LRRCC1: variants seen among roughly 807,000 people sequenced by gnomAD.
LRRCC1 encodes leucine-rich repeat and coiled-coil domain-containing protein 1.
LRRCC1 carries 115 observed loss-of-function variants against 126.0 expected under a neutral mutation model. The observed-to-expected ratio is 0.91, with a 90% CI of 0.78 to 1.07. LRRCC1 has a LOEUF of 1.07. LRRCC1 is among the 50% of genes least tolerant of loss of function. The pLI, the probability that LRRCC1 is intolerant of heterozygous loss-of-function variation, is 0.00. For synonymous variants in LRRCC1, 400 were observed against 393.4 expected, an observed-to-expected ratio of 1.02 and a Z score of -0.20; for missense variants, 1,172 against 1,175.7, an observed-to-expected ratio of 1.00 and a Z score of 0.05.
chr8:85,123,667 T>A, intron 7 of LRRCC1, 61 bp downstream of exon 7: 1 of 1,219,672 alleles, frequency 8.2e-7, no homozygotes, highest in Admixed American at 2.6e-5. Flanking sequence ...GGCTTCTCTC[T>A]TGAAGCTATC....
Position 85,131,790 on chromosome 8 carries a change from T to C in LRRCC1, c.1797T>C (p.Thr599=). The part of the protein sequence containing the change: ...RKELETREFF[T]DADFQDALAK... ...AACTTGAAACAAGGGAGTTTTTTAC[T>C]GATGCTGACTTCCAGGATGCCTTAG... Residue 599 remains threonine (T), a synonymous_variant, in exon 12 of 19, where the codon ACT becomes ACC. Transcript: ENST00000360375. The C allele has an allele frequency of 6.2e-7, 1 of 1,613,444 alleles. No homozygotes were observed. Among genetic ancestry groups the C allele is most frequent in the Non-Finnish European group, 8.5e-7 (1 of 1,179,768 alleles).
intron 8 of LRRCC1, 98 bp downstream of exon 8, chr8:85,125,037 A>C (rs1474094670): frequency 2.5e-6 from 2 of 813,464 alleles, no homozygotes; most frequent in African/African-American, 3.6e-5. Context: ...AAGTGTTTGA[A>C]TTTTATTGGA....
chr8:85,140,767 A>T (rs1216791555), intron 17 of LRRCC1, among the ~76,000 whole-genome samples: 1 of 152,224 alleles, frequency 6.6e-6, no homozygotes, highest in African/African-American at 2.4e-5. Flanking sequence ...GAAGGTGCTT[A>T]TAAACTATAC....
At chr8:85,110,259 T>G in intron 3 of LRRCC1, 79 bp downstream of exon 3, 1 of 572,524 alleles carries the variant, frequency 1.7e-6, no homozygotes, top group South Asian at 3.5e-5. Flanking sequence ...CTAAACATGT[T>G]GGAAATCTCT....
chr8:85,120,142 G>T lies in LRRCC1; in HGVS notation c.931-3271G>T, dbSNP rs1490495093. Reference sequence around the variant, plus strand: ...TAAATTTATTGAGTTTTTTTTTATAGCCTGGCATATGGTTTTTCTAGGTGG... The same window carrying T: ...TAAATTTATTGAGTTTTTTTTTATATCCTGGCATATGGTTTTTCTAGGTGG... On this transcript the variant is annotated intron_variant, in intron 6 of 18. Coordinates refer to ENST00000360375, the MANE Select transcript of LRRCC1 (RefSeq NM_033402.5). Among the ~76,000 whole-genome samples the T allele has an allele frequency of 2.0e-5, 3 of 151,294 alleles. No individual in the cohort carries two copies. The East Asian group carries it at 5.8e-4, about 29-fold the overall frequency.
At position 85,126,783 on chromosome 8, in the gene LRRCC1, A is replaced by C; in HGVS notation, c.1367A>C (p.Lys456Thr). The C allele has an allele frequency of 6.2e-7, 1 of 1,612,610 alleles. No homozygotes were observed. ...KLMDYIDELH[K>T]HANEKEDIHS... is the part of the protein sequence containing the mutation. ...ATGGATTATATTGATGAGCTGCATA[A>C]ACATGCAAATGAAAAAGAGGATATT... The change falls in exon 9 of 19, where the codon AAA becomes ACA. Residue 456 changes from lysine to threonine, a missense_variant. Coordinates refer to ENST00000360375, the MANE Select transcript of LRRCC1 (RefSeq NM_033402.5).
At chr8:85,119,846 C>G (rs907510575) in intron 6 of LRRCC1, among the ~76,000 whole-genome samples, 3 of 152,134 alleles carry the variant, frequency 2.0e-5, no homozygotes, top group Non-Finnish European at 4.4e-5. Context: ...GACATATCTC[C>G]TAATGTAACC....
chr8:85,145,361 A>T (rs754990005), intron 18 of LRRCC1, 28 bp from the exon 19 acceptor site: 2 of 1,407,820 alleles, frequency 1.4e-6, no homozygotes, highest in Admixed American at 2.9e-5. Context: ...TTAAGAAATT[A>T]AAATGTAAAA....
intron 6 of LRRCC1, among the ~76,000 whole-genome samples, chr8:85,122,220 A>C (rs1809615258): frequency 6.6e-6 from 1 of 152,150 alleles, no homozygotes. Flanking sequence ...GTTTGACTGC[A>C]TTGTGCCTAA....
chr8:85,121,589 G>A (rs887799131), intron 6 of LRRCC1, among the ~76,000 whole-genome samples: 1 of 152,068 alleles, frequency 6.6e-6, no homozygotes, highest in Non-Finnish European at 1.5e-5. Context: ...TTATAAGCAT[G>A]TGCCACCACG....
chr8:85,113,977 A>G (rs1215496136), intron 4 of LRRCC1, among the ~76,000 whole-genome samples: 5 of 152,238 alleles, frequency 3.3e-5, no homozygotes, highest in Non-Finnish European at 7.4e-5. Context: ...GCTTCATTTT[A>G]TTATTCATAT....
At chr8:85,125,565 T>C (rs987679453) in intron 8 of LRRCC1, among the ~76,000 whole-genome samples, 17 of 142,938 alleles carry the variant, frequency 1.2e-4, no homozygotes, top group African/African-American at 3.9e-4. Context: ...CCCAGCTACT[T>C]GGGAGGCTGA....
chr8:85,126,357 G>A (rs1171802292), intron 8 of LRRCC1, among the ~76,000 whole-genome samples: 1 of 152,028 alleles, frequency 6.6e-6, no homozygotes, highest in East Asian at 1.9e-4. Flanking sequence ...AGGAGTTCGA[G>A]ACCAGCCTGG....
In LRRCC1 at chr8:85,115,373, A is replaced by G; in HGVS notation, c.721-2A>G. ...GGATTTTGGTTTGTTTCTGTGTCAT[A>G]GATCATTGATAGAATGCCAGTGATA... On this transcript the variant is annotated splice_acceptor_variant, in intron 5 of 18. Transcript: ENST00000360375. LOFTEE classifies it high-confidence loss of function. 6.2e-7 allele frequency: 1 copy of G among 1,611,170 alleles called. No individual in the cohort carries two copies. The highest frequency in any genetic ancestry group is 1.7e-5 in the Admixed American group (1 of 59,934).
chr8:85,142,227 AG>A (rs1811302742), intron 18 of LRRCC1, among the ~76,000 whole-genome samples: 2 of 152,082 alleles, frequency 1.3e-5, no homozygotes, highest in Non-Finnish European at 2.9e-5. Context: ...CCGGAGGTGG[AG>A]GTTGCAGTGA....
chr8:85,117,831 G>A (rs1252535501), intron 6 of LRRCC1, among the ~76,000 whole-genome samples: 6 of 152,062 alleles, frequency 3.9e-5, no homozygotes, highest in Admixed American at 1.3e-4. Context: ...ACATTTCAAA[G>A]TAAATTACAC....
intron 13 of LRRCC1, among the ~76,000 whole-genome samples, chr8:85,135,513 T>C (rs1164462691): frequency 6.6e-6 from 1 of 152,192 alleles, no homozygotes; most frequent in Non-Finnish European, 1.5e-5. Flanking sequence ...ACTATTGATA[T>C]AAATGCTCGT....
intron 1 of LRRCC1, chr8:85,107,644 A>G: frequency 2.6e-6 from 1 of 380,890 alleles, no homozygotes; most frequent in Non-Finnish European, 4.7e-6. Context: ...TGCTTAGCCT[A>G]GAAACTGCCC....
intron 18 of LRRCC1, among the ~76,000 whole-genome samples, chr8:85,142,641 C>A (rs146492203): frequency 0.011 from 1,625 of 151,966 alleles, 34 homozygotes; most frequent in African/African-American, 0.037. Context: ...ACCAGCCTGG[C>A]CAACAAGGTG....
Sources: allele counts gnomAD v4.1 joint callset (sites outside exome capture counted in the v4.1 genomes callset), GRCh38; gene constraint gnomAD v4.1.1; transcripts MANE v1.5; gene names NCBI Gene and HGNC (gene_info 2026-07-23, HGNC 2026-07-21).